PREX1: variants seen among roughly 807,000 people sequenced by gnomAD.
The protein encoded by PREX1 is phosphatidylinositol-3,4,5-trisphosphate dependent Rac exchange factor 1, also known as phosphatidylinositol 3,4,5-trisphosphate-dependent Rac exchanger 1 protein.
Under a neutral mutation model 198.3 loss-of-function variants are expected in PREX1, and 41 were observed. The observed-to-expected ratio is 0.21, with a 90% CI of 0.16 to 0.27. PREX1 has a LOEUF of 0.27. Ranked by LOEUF, PREX1 falls within the 10% of genes least tolerant of loss-of-function variation. The pLI is 1.00. For missense variants in PREX1, 1,620 were observed against 2,200.7 expected (o/e 0.74, Z 5.28); for synonymous variants, 843 against 887.2 (o/e 0.95, Z 0.89).
At chr20:48,753,673 T>A (rs543868910) in intron 1 of PREX1, among the ~76,000 whole-genome samples, 1 of 152,296 alleles carries the variant, frequency 6.6e-6, no homozygotes, top group African/African-American at 2.4e-5. Context: ...CTCACCCCAC[T>A]GGCTCAGCTG....
chr20:48,858,121 G>A, the PREX1 span, among the ~76,000 whole-genome samples: 1 of 152,226 alleles, frequency 6.6e-6, no homozygotes, highest in Admixed American at 6.5e-5. Context: ...GCTGCCAGTC[G>A]AGGCCTCCAT....
At chr20:48,886,968 T>C in the PREX1 span, among the ~76,000 whole-genome samples, 11 of 152,300 alleles carry the variant, frequency 7.2e-5, no homozygotes, top group South Asian at 2.1e-3. Flanking sequence ...CCTTTAGCAA[T>C]ATAGTATCTC....
intron 6 of PREX1, among the ~76,000 whole-genome samples, chr20:48,704,940 T>G (rs2089895982): frequency 6.6e-6 from 1 of 152,252 alleles, no homozygotes; most frequent in Non-Finnish European, 1.5e-5. Context: ...ATCTGGAGTG[T>G]GCCTCTGAGG....
intron 1 of PREX1, among the ~76,000 whole-genome samples, chr20:48,783,393 C>G (rs529346061): frequency 4.6e-5 from 7 of 151,978 alleles, no homozygotes; most frequent in Non-Finnish European, 8.8e-5. Flanking sequence ...GAGGGAGGAA[C>G]CAGTTACAGG....
intron 14 of PREX1, among the ~76,000 whole-genome samples, chr20:48,668,627 C>A (rs935489442): frequency 6.6e-6 from 1 of 152,310 alleles, no homozygotes; most frequent in Non-Finnish European, 1.5e-5. Flanking sequence ...CAGGACTCAG[C>A]CCTGGGCAGA....
intron 5 of PREX1, among the ~76,000 whole-genome samples, chr20:48,723,512 A>G (rs1421839960): frequency 1.3e-5 from 2 of 152,158 alleles, no homozygotes; most frequent in Non-Finnish European, 2.9e-5. Context: ...ACGGGAGTCT[A>G]AGGCCCTGCT....
At chr20:48,685,160 T>C (rs985282398) in intron 10 of PREX1, among the ~76,000 whole-genome samples, 10 of 152,244 alleles carry the variant, frequency 6.6e-5, no homozygotes, top group Non-Finnish European at 8.8e-5. Context: ...GGACTTCATC[T>C]GTCCTATTCC....
intron 14 of PREX1, among the ~76,000 whole-genome samples, chr20:48,671,457 A>G (rs1035234024): frequency 6.6e-6 from 1 of 152,238 alleles, no homozygotes; most frequent in African/African-American, 2.4e-5. Flanking sequence ...ACAATAAATT[A>G]TGTGAGAGAA....
chr20:48,763,779 C>CG (rs1165479998), intron 1 of PREX1, among the ~76,000 whole-genome samples: 1 of 152,100 alleles, frequency 6.6e-6, no homozygotes, highest in Non-Finnish European at 1.5e-5. Flanking sequence ...AGAGCCTGCT[C>CG]GGCCCCAGGG....
chr20:48,784,911 T>C (rs1371093703), intron 1 of PREX1, among the ~76,000 whole-genome samples: 3 of 151,080 alleles, frequency 2.0e-5, no homozygotes, highest in Non-Finnish European at 4.4e-5. Flanking sequence ...TTTCTATTTC[T>C]TTCTCTCTTT....
the PREX1 span, among the ~76,000 whole-genome samples, chr20:48,849,820 G>C: frequency 0.024 from 3,630 of 152,280 alleles, 135 homozygotes; most frequent in African/African-American, 0.083. Context: ...TGGGGAGTGG[G>C]GGGGAATAAT....
intron 13 of PREX1, among the ~76,000 whole-genome samples, chr20:48,677,878 C>T (rs548648956): frequency 2.0e-5 from 3 of 151,286 alleles, no homozygotes; most frequent in Non-Finnish European, 4.4e-5. Context: ...CCCAGCTACT[C>T]GGGAGGCTGA....
Position 48,827,428 on chromosome 20 carries a change from G to A in PREX1, c.219+214C>T, listed in dbSNP as rs2090514469. Among the ~76,000 whole-genome samples the A allele has an allele frequency of 6.6e-6, 1 of 152,202 alleles. No homozygotes were observed. Among genetic ancestry groups the A allele is most frequent in the Non-Finnish European group, 1.5e-5 (1 of 68,022 alleles). On this transcript the variant is annotated intron_variant, in intron 1 of 39. Transcript: ENST00000371941. This position sits in a 1 kb window ranked among gnomAD's most constrained non-coding sequence, Gnocchi z 4.1. ...CGCCGCGGGGAAGTGGAGTGCGGGAGAGCCCCGGTCGGAGCAGGACCGTGC... is the reference window on the plus strand; with the variant it reads ...CGCCGCGGGGAAGTGGAGTGCGGGAAAGCCCCGGTCGGAGCAGGACCGTGC...
At chr20:48,700,929 A>T in intron 6 of PREX1, 43 bp from the exon 7 acceptor site, 1 of 1,611,558 alleles carries the variant, frequency 6.2e-7, no homozygotes, top group Non-Finnish European at 8.5e-7. Flanking sequence ...CAACCCAGGA[A>T]CATCCCCTTC....
intron 6 of PREX1, among the ~76,000 whole-genome samples, chr20:48,703,470 C>G (rs1568831694): frequency 6.6e-6 from 1 of 152,194 alleles, no homozygotes; most frequent in Non-Finnish European, 1.5e-5. Flanking sequence ...CCCTGGGACC[C>G]CCAGCATCCT....
chr20:48,879,038 G>GC, the PREX1 span, among the ~76,000 whole-genome samples: 2 of 152,158 alleles, frequency 1.3e-5, no homozygotes, highest in African/African-American at 4.8e-5. Flanking sequence ...ACATCTTTGA[G>GC]CCCCTGGATT....
In PREX1 at chr20:48,650,175, G is replaced by A; in HGVS notation, c.2849C>T (p.Pro950Leu). The A allele has an allele frequency of 6.2e-7, 1 of 1,613,518 alleles. No homozygotes were observed. Among genetic ancestry groups the A allele is most frequent in the South Asian group, 1.1e-5 (1 of 91,048 alleles). The change falls in exon 24 of 40, where the codon CCA (proline) becomes CTA (leucine). Residue 950 changes from proline (P) to leucine (L), a missense_variant. Coordinates refer to ENST00000371941, the MANE Select transcript of PREX1 (RefSeq NM_020820.4). Reference sequence around the variant, plus strand: ...CTCCAGGGGGGCTTGTTTGAAGGGTGGGCTGACCCTGCTCTTCAGTTGGGC... The same window carrying A: ...CTCCAGGGGGGCTTGTTTGAAGGGTAGGCTGACCCTGCTCTTCAGTTGGGC... ...FAAQLKSRVS[P>L]PFKQAPLEPH...
At chr20:48,650,250 T>A (rs751492691) in intron 23 of PREX1, 44 bp from the exon 24 acceptor site, 1 of 1,555,178 alleles carries the variant, frequency 6.4e-7, no homozygotes, top group Non-Finnish European at 8.8e-7. Context: ...CAGGGCAGGG[T>A]CTGGAAATAT....
At chr20:48,728,002 T>C (rs1207537169) in intron 4 of PREX1, among the ~76,000 whole-genome samples, 1 of 152,160 alleles carries the variant, frequency 6.6e-6, no homozygotes, top group East Asian at 1.9e-4. Context: ...TATGTGTAAG[T>C]GAATGAACTA....
Sources: gnomAD v4.1 joint callset for allele counts (sites outside exome capture counted in the v4.1 genomes callset) on GRCh38, gnomAD v4.1.1 for gene constraint, Gnocchi (gnomAD v3.1) non-coding constraint, MANE v1.5 for transcripts, NCBI Gene and HGNC (gene_info 2026-07-23, HGNC 2026-07-21) for gene names.